Variants in MYMX observed in about 807,000 individuals in gnomAD.
The protein encoded by MYMX is protein myomixer.
At chr6:44,200,807 A>G in the MYMX span, among the ~76,000 whole-genome samples, 3 of 152,224 alleles carry the variant, frequency 2.0e-5, no homozygotes, top group East Asian at 3.9e-4. Context: ...AGGCATTGCC[A>G]GAGAGGGTAG....
chr6:44,210,971 G>T, the MYMX span, among the ~76,000 whole-genome samples: 1 of 152,166 alleles, frequency 6.6e-6, no homozygotes, highest in Non-Finnish European at 1.5e-5. Flanking sequence ...TCCAGCCTGG[G>T]CGACAGAGCA....
At chr6:44,200,468 C>T in the MYMX span, among the ~76,000 whole-genome samples, 1 of 152,188 alleles carries the variant, frequency 6.6e-6, no homozygotes, top group African/African-American at 2.4e-5. Flanking sequence ...GCGCCTGCCA[C>T]CACACCTGGC....
At chr6:44,205,056 A>G in the MYMX span, among the ~76,000 whole-genome samples, 1 of 151,994 alleles carries the variant, frequency 6.6e-6, no homozygotes, top group African/African-American at 2.4e-5. Context: ...ACGGGTGAGC[A>G]TGGGAGAGAC....
chr6:44,194,108 A>G, the MYMX span, among the ~76,000 whole-genome samples: 1 of 152,176 alleles, frequency 6.6e-6, no homozygotes, highest in African/African-American at 2.4e-5. Context: ...TCTTTGATAT[A>G]TATGTTATCA....
the MYMX span, among the ~76,000 whole-genome samples, chr6:44,204,376 G>A: frequency 2.6e-5 from 4 of 152,118 alleles, no homozygotes; most frequent in Non-Finnish European, 5.9e-5. Context: ...TCTGGATAAA[G>A]ACCCTTTTGG....
the MYMX span, among the ~76,000 whole-genome samples, chr6:44,203,530 A>G: frequency 6.6e-6 from 1 of 152,186 alleles, no homozygotes; most frequent in South Asian, 2.1e-4. Context: ...GTGAGATTCA[A>G]CAGAACTTGG....
chr6:44,216,058 CCCAGCTGTGT>C (rs1193598628), upstream of MYMX, among the ~76,000 whole-genome samples: 1 of 152,182 alleles, frequency 6.6e-6, no homozygotes, highest in Admixed American at 6.5e-5. Context: ...GGGAATGCCA[CCCAGCTGTGT>C]CCAGCTGTGC....
the MYMX span, among the ~76,000 whole-genome samples, chr6:44,199,902 C>G: frequency 6.6e-6 from 1 of 152,116 alleles, no homozygotes; most frequent in Admixed American, 6.6e-5. Context: ...CCAGGCTGGT[C>G]TCAAACTTCT....
At chr6:44,205,986 AAAAAAACAAAAC>A in the MYMX span, among the ~76,000 whole-genome samples, 4 of 141,622 alleles carry the variant, frequency 2.8e-5, no homozygotes, top group Admixed American at 7.2e-5. Flanking sequence ...TCTCAAAAAA[AAAAAAACAAAAC>A]AAAAAAAAAC....
the MYMX span, among the ~76,000 whole-genome samples, chr6:44,199,620 C>CA: frequency 2.3e-4 from 35 of 151,732 alleles, no homozygotes; most frequent in Non-Finnish European, 4.7e-4. Context: ...TCCAGAAAGA[C>CA]AAAAAACACA....
the MYMX span, among the ~76,000 whole-genome samples, chr6:44,202,410 G>A: frequency 2.0e-5 from 3 of 152,046 alleles, no homozygotes; most frequent in Non-Finnish European, 2.9e-5. Context: ...CACCTTCACA[G>A]GTTGGTATCC....
chr6:44,208,440 T>C, the MYMX span, among the ~76,000 whole-genome samples: 32 of 152,000 alleles, frequency 2.1e-4, no homozygotes, highest in East Asian at 6.2e-3. Context: ...CCACCATAAA[T>C]CCCCTTCTCC....
At chr6:44,209,473 C>T in the MYMX span, among the ~76,000 whole-genome samples, 13 of 152,308 alleles carry the variant, frequency 8.5e-5, no homozygotes, top group South Asian at 8.3e-4. Context: ...TCAACATTCA[C>T]GTGCTGTAAA....
At chr6:44,199,745 A>G in the MYMX span, among the ~76,000 whole-genome samples, 24 of 150,630 alleles carry the variant, frequency 1.6e-4, no homozygotes, top group East Asian at 4.8e-3. Flanking sequence ...GTCCAGTGGC[A>G]TGATCACTGT....
chr6:44,197,078 A>G, the MYMX span, among the ~76,000 whole-genome samples: 5 of 152,252 alleles, frequency 3.3e-5, no homozygotes, highest in South Asian at 1.0e-3. Flanking sequence ...AACATGGCAA[A>G]ATGCCATCTC....
At chr6:44,213,445 G>A (rs183555042), upstream of MYMX, among the ~76,000 whole-genome samples, 25 of 148,172 alleles carry the variant, frequency 1.7e-4, no homozygotes, top group Admixed American at 1.4e-3. Flanking sequence ...TTTTTCAGAC[G>A]GAGTCTCGCT....
the MYMX span, among the ~76,000 whole-genome samples, chr6:44,202,467 A>C: frequency 6.7e-6 from 1 of 149,320 alleles, no homozygotes; most frequent in African/African-American, 2.5e-5. Flanking sequence ...GAAACAGGAG[A>C]TTTGGTCAGT....
chr6:44,209,534 A>C, the MYMX span, among the ~76,000 whole-genome samples: 1 of 152,354 alleles, frequency 6.6e-6, no homozygotes, highest in Middle Eastern at 3.4e-3. Context: ...CTAATGTTTC[A>C]TAAGATTTTC....
chr6:44,203,794 T>TC, the MYMX span, among the ~76,000 whole-genome samples: 1 of 152,190 alleles, frequency 6.6e-6, no homozygotes, highest in South Asian at 2.1e-4. Flanking sequence ...ACAAAATTGT[T>TC]CCTACTCTCA....
Sources: gnomAD v4.1 joint callset for allele counts (sites outside exome capture counted in the v4.1 genomes callset) on GRCh38, gnomAD v4.1.1 for gene constraint, MANE v1.5 for transcripts, NCBI Gene and HGNC (gene_info 2026-07-23, HGNC 2026-07-21) for gene names.